The following HSPG2 variants were observed in gnomAD, a reference collection of about 807,000 sequenced individuals.
HSPG2 encodes basement membrane-specific heparan sulfate proteoglycan core protein.
Under a neutral mutation model 526.6 loss-of-function variants are expected in HSPG2, and 278 were observed. The ratio of observed to expected loss-of-function variants is 0.53; its 90% CI spans 0.48 to 0.58. HSPG2 has a LOEUF of 0.58. HSPG2 is among the 20% of genes least tolerant of loss of function. HSPG2 has a pLI of 0.00. For synonymous variants in HSPG2, 2,465 were observed against 2,555.4 expected (o/e 0.96, Z 1.07); for missense variants, 5,354 against 6,099.5 (o/e 0.88, Z 4.07).
rs1320088026 is a variant in HSPG2, at chr1:21,893,779, G to A, written c.244+2143C>T. ...TGCAAGAGAGAGGGAGACACAAAGA[G>A]ACAGAAAGACAGAGACAGAGATAAA... On this transcript the variant is annotated intron_variant, in intron 3 of 96. Transcript: ENST00000374695. This position sits in a 1 kb window ranked among gnomAD's most constrained non-coding sequence, Gnocchi z 4.3. 6.6e-6 allele frequency among the ~76,000 whole-genome samples: 1 copy of A among 151,550 alleles called. No homozygotes were observed. The highest frequency in any genetic ancestry group is 1.5e-5 in the Non-Finnish European group (1 of 67,958).
intron 1 of HSPG2, among the ~76,000 whole-genome samples, chr1:21,907,695 G>A (rs1324553140): frequency 1.3e-5 from 2 of 152,070 alleles, no homozygotes; most frequent in African/African-American, 4.8e-5. Context: ...TTTATTTTTT[G>A]TAGAGATGAG....
At position 21,856,880 on chromosome 1, in the gene HSPG2, T is replaced by G; in HGVS notation, c.5575+135A>C. The G allele has an allele frequency of 5.3e-6, 5 of 937,546 alleles. No homozygotes were observed. In the South Asian group the frequency reaches 6.7e-5, roughly 13 times the overall value. 58.1% of individuals were successfully genotyped at this position (937,546 alleles called of 1,614,324 possible). A position where few individuals can be genotyped will look rare whatever the true frequency, so the allele number is the denominator to read the frequency against. ...TGTACATGCTTCTCTCCCCTGCTTCTGCAGAGCCTAGACCAGGACCAGGCA... is the reference window on the plus strand; with the variant it reads ...TGTACATGCTTCTCTCCCCTGCTTCGGCAGAGCCTAGACCAGGACCAGGCA... On this transcript the variant is annotated intron_variant, in intron 44 of 96. Transcript: ENST00000374695.
At position 21,886,594 on chromosome 1, in the gene HSPG2, C is replaced by G. The variant is rs138921991; in HGVS notation, c.1078+621G>C. ...TGGTCGCTGCCTCTCCAGCCTCCCCCTCCTATTTAACTGTCAGGATGCCCG... is the reference window on the plus strand; with the variant it reads ...TGGTCGCTGCCTCTCCAGCCTCCCCGTCCTATTTAACTGTCAGGATGCCCG... On this transcript the variant is annotated intron_variant, in intron 9 of 96. Coordinates refer to ENST00000374695, the MANE Select transcript of HSPG2 (RefSeq NM_005529.7). 7.2e-4 allele frequency among the ~76,000 whole-genome samples: 110 copies of G among 152,316 alleles called. 1 individual carries two copies. The East Asian group carries it at 0.019, about 26-fold the overall frequency.
rs781747021 is a variant in HSPG2 at position 21,872,760 on chromosome 1, C to T, written c.3889G>A (p.Ala1297Thr). The change falls in exon 32 of 97, where the codon GCC becomes ACC. Residue 1297 changes from alanine to threonine, a missense_variant and splice_region_variant. Physicochemically the swap from Ala to Thr is moderately conservative, Grantham distance 58. Transcript: ENST00000374695. This position sits in a 1 kb window ranked among gnomAD's most constrained non-coding sequence, Gnocchi z 5.5. ...CDAAGQCQCK[A>T]QVEGLTCSHC... ...CTGCAAGTGAGGCCTTCCACCTGGG[C>T]CTGGGTAGACGGATGGAAGGAGGCA... The T allele has an allele frequency of 6.2e-6, 10 of 1,607,606 alleles. No homozygotes were observed. In the East Asian group the frequency reaches 1.3e-4, roughly 22 times the overall value.
At chr1:21,845,173 G>A (rs1163276068) in intron 64 of HSPG2, among the ~76,000 whole-genome samples, 1 of 152,146 alleles carries the variant, frequency 6.6e-6, no homozygotes, top group African/African-American at 2.4e-5. Context: ...TTGAACCCCA[G>A]AGGTGGAGAT....
intron 44 of HSPG2, 33 bp from the exon 45 acceptor site, chr1:21,855,945 G>A (rs1193157223): frequency 1.2e-6 from 2 of 1,601,840 alleles, no homozygotes; most frequent in East Asian, 4.5e-5. Flanking sequence ...ATGCACTCAG[G>A]GTGGGGAGTG....
chr1:21,847,715 C>T lies in HSPG2; in HGVS notation c.7999G>A (p.Gly2667Arg), dbSNP rs768427974. ...TGGTGTCGGGAGGGAAGGCTGCCCC[C>T]ACGCTTGTACCATGTGATGATAGCC... is the stretch of plus-strand genomic sequence containing the variant. ...PQAIITWYKR[G>R]GSLPSRHQTH... The change falls in exon 61 of 97, where the codon GGG (glycine) becomes AGG (arginine). Residue 2667 changes from glycine (G) to arginine (R), a missense_variant. Coordinates refer to ENST00000374695, the MANE Select transcript of HSPG2 (RefSeq NM_005529.7). The surrounding 1 kb of genome is among the most constrained non-coding windows in gnomAD (Gnocchi z 4.1). 3 of 1,610,958 alleles carry T rather than the reference C, an allele frequency of 1.9e-6. No individual in the cohort carries two copies. Among genetic ancestry groups the T allele is most frequent in the Non-Finnish European group, 2.5e-6 (3 of 1,178,856 alleles).
Position 21,865,400 on chromosome 1 carries a change from G to T in HSPG2, c.4315-35C>A. On this transcript the variant is annotated intron_variant, in intron 34 of 96. Coordinates refer to ENST00000374695, the MANE Select transcript of HSPG2 (RefSeq NM_005529.7). The surrounding 1 kb of genome is among the most constrained non-coding windows in gnomAD (Gnocchi z 5.4). ...CACCAGCAGGATTGGAAGGGGAGCCGAGGGGTCCCTGGGGTGCCAGGGTGT... is the reference window on the plus strand; with the variant it reads ...CACCAGCAGGATTGGAAGGGGAGCCTAGGGGTCCCTGGGGTGCCAGGGTGT... The T allele has an allele frequency of 6.3e-7, 1 of 1,596,756 alleles. No homozygotes were observed. Among genetic ancestry groups the T allele is most frequent in the Non-Finnish European group, 8.6e-7 (1 of 1,164,666 alleles).
rs369242757 is a variant in HSPG2 at position 21,872,607 on chromosome 1, C to A, written c.4029+13G>T. ...GGCAACACCGCCTGGGGCTGGGCAG[C>A]ACAGGCTCTCACCAGGTGGCGTGTG... On this transcript the variant is annotated intron_variant, in intron 32 of 96. Coordinates refer to ENST00000374695, the MANE Select transcript of HSPG2 (RefSeq NM_005529.7). This position sits in a 1 kb window ranked among gnomAD's most constrained non-coding sequence, Gnocchi z 5.5. The A allele has an allele frequency of 1.6e-5, 26 of 1,576,704 alleles. No individual in the cohort carries two copies. Among genetic ancestry groups the A allele is most frequent in the Non-Finnish European group, 2.2e-5 (25 of 1,162,722 alleles).
Position 21,823,635 on chromosome 1 carries a change from G to A in HSPG2, c.12984C>T (p.Ala4328=). ...ACTTACCGATGTAGACGCTGCCCTTGGCGTTGACTGCCACGTTGGGACCTG... is the reference window on the plus strand; with the variant it reads ...ACTTACCGATGTAGACGCTGCCCTTAGCGTTGACTGCCACGTTGGGACCTG... ...RSPGPNVAVN[A]KGSVYIGGAP... Residue 4328 remains alanine, a synonymous_variant, in exon 96 of 97, where the codon GCC becomes GCT. Transcript: ENST00000374695. The A allele has an allele frequency of 6.2e-7, 1 of 1,613,752 alleles. No individual in the cohort carries two copies. The highest frequency in any genetic ancestry group is 8.5e-7 in the Non-Finnish European group (1 of 1,179,906).
chr1:21,889,870 C>T (rs770917244), intron 6 of HSPG2, 111 bp downstream of exon 6: 3 of 1,080,076 alleles, frequency 2.8e-6, no homozygotes, highest in Non-Finnish European at 4.3e-6. Context: ...GAGTAGTGAG[C>T]TCCCTGTTTC....
chr1:21,864,529 A>G lies in HSPG2; in HGVS notation c.4626+314T>C, dbSNP rs1227402015. On this transcript the variant is annotated intron_variant, in intron 36 of 96. Coordinates refer to ENST00000374695, the MANE Select transcript of HSPG2 (RefSeq NM_005529.7). The surrounding 1 kb of genome is among the most constrained non-coding windows in gnomAD (Gnocchi z 4.8). ...TTTAACCCCCGGAGAGTGTGGCCCA[A>G]ACGTGAGGCTGCACTGCCCAGTGGT... is the stretch of plus-strand genomic sequence containing the variant. 6.6e-6 allele frequency among the ~76,000 whole-genome samples: 1 copy of G among 152,178 alleles called. No individual in the cohort carries two copies. Among genetic ancestry groups the G allele is most frequent in the Non-Finnish European group, 1.5e-5 (1 of 68,034 alleles).
At position 21,832,523 on chromosome 1, in the gene HSPG2, C is replaced by T. The variant is rs534160301; in HGVS notation, c.11179G>A (p.Gly3727Ser). ...ANRQPDFISF[G>S]LVGGRPEFRF... is the part of the protein sequence containing the mutation. The stretch of plus-strand genomic sequence containing the variant: ...AACTCGGGCCTTCCCCCCACGAGGC[C>T]GAAGGAGATGAAGTCGGGCTGCCGG... Residue 3727 changes from glycine to serine, a missense_variant, in exon 81 of 97, where the codon GGC becomes AGC. Gly to Ser is a moderately conservative substitution (Grantham distance 56). Coordinates refer to ENST00000374695, the MANE Select transcript of HSPG2 (RefSeq NM_005529.7). The T allele has an allele frequency of 1.2e-5, 19 of 1,614,164 alleles. No individual in the cohort carries two copies. The highest frequency in any genetic ancestry group is 1.7e-4 in the Middle Eastern group (1 of 6,060).
chr1:21,831,682 A>G lies in HSPG2; in HGVS notation c.11322T>C (p.Gly3774=), dbSNP rs1233655289. Residue 3774 remains glycine (G), a synonymous_variant, in exon 82 of 97, where the codon GGT becomes GGC. Coordinates refer to ENST00000374695, the MANE Select transcript of HSPG2 (RefSeq NM_005529.7). ...RSLTQGSLIV[G]DLAPVNGTSQ... is the part of the protein sequence containing the mutation. ...AGGTCCCATTGACCGGGGCCAGGTCACCCACAATCAGGGAGCCCTGGGTGA... is the reference window on the plus strand; with the variant it reads ...AGGTCCCATTGACCGGGGCCAGGTCGCCCACAATCAGGGAGCCCTGGGTGA... 14 of 1,605,816 alleles carry G rather than the reference A, an allele frequency of 8.7e-6. No homozygotes were observed. The Admixed American group carries it at 2.4e-4, about 27-fold the overall frequency.
chr1:21,908,699 C>A, intron 1 of HSPG2: 41 of 443,244 alleles, frequency 9.2e-5, no homozygotes, highest in Non-Finnish European at 1.2e-4. Context: ...GTTTGAAAGC[C>A]ATCAACTTAA....
In HSPG2 at chr1:21,841,692, G is replaced by T. The variant is rs1200748321; in HGVS notation, c.9194-19C>A. 3 of 1,613,830 alleles carry T rather than the reference G, an allele frequency of 1.9e-6. No homozygotes were observed. In the African/African-American group the frequency reaches 4.0e-5, roughly 22 times the overall value. ...ACGTTGTCTGTGAGGTTGCATGGGG[G>T]AGGGTGAGAGAGGATTGACCTGGTC... On this transcript the variant is annotated intron_variant, in intron 69 of 96. Transcript: ENST00000374695.
intron 39 of HSPG2, among the ~76,000 whole-genome samples, chr1:21,860,583 C>T (rs757526695): frequency 4.6e-5 from 7 of 152,090 alleles, no homozygotes; most frequent in East Asian, 3.8e-4. Context: ...ACTCCGTCTC[C>T]GGGGTTCACA....
In HSPG2 at chr1:21,876,520, G is replaced by C; in HGVS notation, c.2818C>G (p.Arg940Gly). 6.2e-7 allele frequency: 1 copy of C among 1,614,158 alleles called. No individual in the cohort carries two copies. The highest frequency in any genetic ancestry group is 1.1e-5 in the South Asian group (1 of 91,082). Residue 940 changes from arginine to glycine, a missense_variant, in exon 22 of 97, where the codon CGT becomes GGT. Physicochemically the swap from Arg to Gly is moderately radical, Grantham distance 125. Coordinates refer to ENST00000374695, the MANE Select transcript of HSPG2 (RefSeq NM_005529.7). ...CCACCTTGCAGAGGTACCTGGGCACGGCTCCATGAAGAGCTGGTGCAGTGG... is the reference window on the plus strand; with the variant it reads ...CCACCTTGCAGAGGTACCTGGGCACCGCTCCATGAAGAGCTGGTGCAGTGG... ...SRHCTSSSWS[R>G]AQLHGASEEP...
At chr1:21,921,718 C>G (rs1292229356) in intron 1 of HSPG2, among the ~76,000 whole-genome samples, 1 of 152,218 alleles carries the variant, frequency 6.6e-6, no homozygotes, top group African/African-American at 2.4e-5. Context: ...ATCCGCTCCT[C>G]CCTACTGAGT....
Sources: gnomAD v4.1 joint callset for allele counts (sites outside exome capture counted in the v4.1 genomes callset) on GRCh38, gnomAD v4.1.1 for gene constraint, Gnocchi (gnomAD v3.1) non-coding constraint, MANE v1.5 for transcripts, NCBI Gene and HGNC (gene_info 2026-07-23, HGNC 2026-07-21) for gene names.